Variants in RBFOX1 observed in about 807,000 individuals in gnomAD.
The protein encoded by RBFOX1 is RNA binding protein fox-1 homolog 1.
In RBFOX1, 8 loss-of-function variants were observed where a neutral mutation model predicts 57.7. That is an observed-to-expected ratio of 0.14 (90% CI 0.08 to 0.25). The LOEUF is 0.25. Ranked by LOEUF, RBFOX1 falls within the 10% of genes least tolerant of loss-of-function variation. The pLI, the probability that RBFOX1 is intolerant of heterozygous loss-of-function variation, is 1.00. For missense variants in RBFOX1, 611 were observed against 548.5 expected (o/e 1.11, Z -1.14); for synonymous variants, 326 against 222.4 (o/e 1.47, Z -4.15).
At chr16:6,910,937 A>C (rs2071411707) in intron 3 of RBFOX1, among the ~76,000 whole-genome samples, 1 of 152,136 alleles carries the variant, frequency 6.6e-6, no homozygotes, top group South Asian at 2.1e-4. Context: ...GCAGAGGCTC[A>C]CACCTGTAAT....
intron 4 of RBFOX1, among the ~76,000 whole-genome samples, chr16:7,157,597 G>A (rs753623800): frequency 6.6e-6 from 1 of 152,054 alleles, no homozygotes; most frequent in Admixed American, 6.6e-5. Flanking sequence ...ATAGGGTCTG[G>A]GAGCTCTGAA....
chr16:7,453,054 G>A (rs954004918), intron 4 of RBFOX1, among the ~76,000 whole-genome samples: 5 of 151,642 alleles, frequency 3.3e-5, no homozygotes, highest in Middle Eastern at 3.2e-3. Context: ...TCTTGAACCC[G>A]GGAGGTGGAG....
intron 3 of RBFOX1, among the ~76,000 whole-genome samples, chr16:6,688,217 G>C (rs77774061): frequency 4.7e-4 from 71 of 152,224 alleles, no homozygotes; most frequent in Non-Finnish European, 5.9e-4. Flanking sequence ...GTCTTAGGTG[G>C]CTAGAGCAGG....
chr16:6,492,059 T>C (rs562977356), intron 2 of RBFOX1, among the ~76,000 whole-genome samples: 5 of 152,164 alleles, frequency 3.3e-5, no homozygotes, highest in African/African-American at 1.2e-4. Flanking sequence ...GAAGACAAAT[T>C]GGCAAAGGAC....
chr16:7,704,312 G>C (rs911817932), intron 14 of RBFOX1, among the ~76,000 whole-genome samples: 7 of 152,186 alleles, frequency 4.6e-5, no homozygotes, highest in African/African-American at 1.7e-4. Flanking sequence ...TCTTTGTTTA[G>C]TTTTTCCCTG....
At chr16:5,905,781 G>A (rs947285238) in intron 4 of RBFOX1, among the ~76,000 whole-genome samples, 1 of 152,134 alleles carries the variant, frequency 6.6e-6, no homozygotes, top group Non-Finnish European at 1.5e-5. Context: ...TTGATCTCAG[G>A]CTTCCATCCT....
intron 3 of RBFOX1, among the ~76,000 whole-genome samples, chr16:6,806,837 T>TATATATATATA (rs1491107829): frequency 8.9e-3 from 609 of 68,520 alleles, no homozygotes; most frequent in East Asian, 0.029. Flanking sequence ...TATATATATA[T>TATATATATATA]TTTTTTTTTT....
intron 1 of RBFOX1, among the ~76,000 whole-genome samples, chr16:6,291,123 G>A (rs2077423944): frequency 6.6e-6 from 1 of 152,162 alleles, no homozygotes; most frequent in Non-Finnish European, 1.5e-5. Flanking sequence ...CACTCTGATT[G>A]CCATCTTGGT....
At chr16:7,657,519 G>C (rs1179286528) in intron 12 of RBFOX1, among the ~76,000 whole-genome samples, 2 of 152,172 alleles carry the variant, frequency 1.3e-5, no homozygotes, top group African/African-American at 4.8e-5. Flanking sequence ...TGGCCAGGCT[G>C]GTCTTGAACT....
At chr16:6,593,508 C>G (rs1020725572) in intron 2 of RBFOX1, among the ~76,000 whole-genome samples, 6 of 152,138 alleles carry the variant, frequency 3.9e-5, no homozygotes, top group African/African-American at 1.4e-4. Context: ...AATTGAGCCT[C>G]AGGCTGACAA....
chr16:6,478,538 T>G (rs747435173), intron 2 of RBFOX1, among the ~76,000 whole-genome samples: 2 of 148,988 alleles, frequency 1.3e-5, no homozygotes, highest in Non-Finnish European at 3.0e-5. Flanking sequence ...CCTCCCAAAA[T>G]GCTGGGATTA....
At chr16:6,228,482 C>T (rs139816566) in intron 1 of RBFOX1, among the ~76,000 whole-genome samples, 1 of 151,920 alleles carries the variant, frequency 6.6e-6, no homozygotes, top group Admixed American at 6.6e-5. Flanking sequence ...ATTCAGCCTT[C>T]AAAAAAGAAG....
chr16:7,416,375 T>C (rs2098477994), intron 4 of RBFOX1, among the ~76,000 whole-genome samples: 1 of 152,218 alleles, frequency 6.6e-6, no homozygotes, highest in African/African-American at 2.4e-5. Flanking sequence ...GAGGTTTTTA[T>C]TCCCTGTAGT....
At chr16:5,638,441 G>A (rs190584356) in intron 3 of RBFOX1, among the ~76,000 whole-genome samples, 2 of 152,250 alleles carry the variant, frequency 1.3e-5, no homozygotes, top group East Asian at 3.9e-4. Context: ...GATTGAATAA[G>A]CTGGTGTTTC....
At chr16:7,582,475 T>C (rs1207146354) in intron 6 of RBFOX1, among the ~76,000 whole-genome samples, 1 of 152,220 alleles carries the variant, frequency 6.6e-6, no homozygotes, top group African/African-American at 2.4e-5. Flanking sequence ...TGCAGTTTTA[T>C]GCACTAAAAA....
intron 3 of RBFOX1, among the ~76,000 whole-genome samples, chr16:6,982,231 G>C (rs4290488): frequency 9.7e-4 from 148 of 152,168 alleles, no homozygotes; most frequent in African/African-American, 3.4e-3. Flanking sequence ...TCAGGTACCC[G>C]GGGAGAAATG....
chr16:7,301,745 G>GA (rs879890112), intron 4 of RBFOX1, among the ~76,000 whole-genome samples: 254 of 150,898 alleles, frequency 1.7e-3, no homozygotes, highest in Middle Eastern at 0.01. Flanking sequence ...GCCAGCAAGA[G>GA]AAAAAAAAAT....
At chr16:6,546,673 C>G (rs541513464) in intron 2 of RBFOX1, among the ~76,000 whole-genome samples, 1 of 152,272 alleles carries the variant, frequency 6.6e-6, no homozygotes, top group South Asian at 2.1e-4. Flanking sequence ...AATTTGATTC[C>G]TTTCTGTAGA....
intron 1 of RBFOX1, among the ~76,000 whole-genome samples, chr16:6,159,521 A>C (rs991965656): frequency 6.6e-6 from 1 of 152,184 alleles, no homozygotes; most frequent in African/African-American, 2.4e-5. Context: ...GAAGCCATCC[A>C]GTTCCAGTGC....
Sources: gnomAD v4.1 joint callset for allele counts (sites outside exome capture counted in the v4.1 genomes callset) on GRCh38, gnomAD v4.1.1 for gene constraint, MANE v1.5 for transcripts, NCBI Gene and HGNC (gene_info 2026-07-23, HGNC 2026-07-21) for gene names.